Variants in ZNF423 observed in about 807,000 individuals in gnomAD.
The protein encoded by ZNF423 is zinc finger protein 423, also known as Ebf-associated zinc finger protein.
ZNF423 carries 12 observed loss-of-function variants against 95.8 expected under a neutral mutation model. That is an observed-to-expected ratio of 0.13 (90% CI 0.08 to 0.20). The LOEUF (loss-of-function observed/expected upper bound fraction) is 0.20. ZNF423 is among the 10% of genes least tolerant of loss of function. The probability of loss-of-function intolerance (pLI) is 1.00; values close to 1 mark genes in which losing one functional copy is unlikely to be tolerated. For missense variants in ZNF423, 1,316 were observed against 1,737.1 expected, an observed-to-expected ratio of 0.76 and a Z score of 4.31; for synonymous variants, 749 against 711.9, an observed-to-expected ratio of 1.05 and a Z score of -0.83.
Position 49,491,271 on chromosome 16 carries a change from T to C in ZNF423, c.*4A>G, listed in dbSNP as rs1966948619. 10 of 1,614,110 alleles carry C rather than the reference T, an allele frequency of 6.2e-6. No individual in the cohort carries two copies. The highest frequency in any genetic ancestry group is 8.5e-6 in the Non-Finnish European group (10 of 1,180,036). On this transcript the variant is annotated 3_prime_UTR_variant, in exon 8 of 8. Coordinates refer to ENST00000563137, the MANE Select transcript of ZNF423 (RefSeq NM_001379286.1). ...TGCGGAGAGGTGTCCTGTTGAGCGATCCCTCACTGTGCGTGCTGGCTCATC... is the reference window on the plus strand; with the variant it reads ...TGCGGAGAGGTGTCCTGTTGAGCGACCCCTCACTGTGCGTGCTGGCTCATC...
At chr16:49,499,035 G>A (rs548116237) in intron 7 of ZNF423, among the ~76,000 whole-genome samples, 8 of 152,146 alleles carry the variant, frequency 5.3e-5, no homozygotes, top group Non-Finnish European at 1.0e-4. Flanking sequence ...TCAATCCCCC[G>A]GGGCCCAGGC....
chr16:49,591,395 C>T (rs532605402), intron 5 of ZNF423, among the ~76,000 whole-genome samples: 3 of 152,076 alleles, frequency 2.0e-5, no homozygotes, highest in Admixed American at 1.3e-4. Context: ...ATAGTATGGG[C>T]ATTGTAAGTC....
intron 3 of ZNF423, among the ~76,000 whole-genome samples, chr16:49,642,377 G>A (rs1973002300): frequency 6.6e-6 from 1 of 152,168 alleles, no homozygotes; most frequent in Non-Finnish European, 1.5e-5. Context: ...TTGAAAAGGA[G>A]AATCTTAACC....
intron 3 of ZNF423, among the ~76,000 whole-genome samples, chr16:49,718,191 T>A (rs574659672): frequency 7.2e-5 from 11 of 152,214 alleles, no homozygotes; most frequent in African/African-American, 2.6e-4. Context: ...GAGGCCAAGG[T>A]GGGAGGATCA....
chr16:49,823,170 T>C (rs533080280), intron 1 of ZNF423, among the ~76,000 whole-genome samples: 1 of 152,308 alleles, frequency 6.6e-6, no homozygotes, highest in South Asian at 2.1e-4. Flanking sequence ...AGCCAGCCCT[T>C]GGATGGAAAC....
chr16:49,799,330 G>A (rs1455418564), intron 1 of ZNF423, among the ~76,000 whole-genome samples: 2 of 152,204 alleles, frequency 1.3e-5, no homozygotes, highest in South Asian at 2.1e-4. Flanking sequence ...TTCCTGGCTG[G>A]CTGCTGAGGT....
chr16:49,728,260 G>A (rs781673887), intron 3 of ZNF423, among the ~76,000 whole-genome samples: 3 of 152,242 alleles, frequency 2.0e-5, no homozygotes, highest in Non-Finnish European at 4.4e-5. Context: ...CCTAAGAACC[G>A]AAGACCTGGG....
At chr16:49,856,685 G>A (rs1232759817), upstream of ZNF423, among the ~76,000 whole-genome samples, 1 of 149,122 alleles carries the variant, frequency 6.7e-6, no homozygotes, top group Non-Finnish European at 1.5e-5. Context: ...GAGGAGGAAG[G>A]GGCGCGCGGG....
chr16:49,582,777 A>G (rs1970711839), intron 5 of ZNF423, among the ~76,000 whole-genome samples: 1 of 152,246 alleles, frequency 6.6e-6, no homozygotes. Flanking sequence ...ATGAAAAAAC[A>G]ATAAAATCAA....
At chr16:49,509,609 C>T (rs1411104927) in intron 7 of ZNF423, among the ~76,000 whole-genome samples, 1 of 152,042 alleles carries the variant, frequency 6.6e-6, no homozygotes, top group Non-Finnish European at 1.5e-5. Context: ...GAGTACAATC[C>T]AGGCTTCCAC....
intron 5 of ZNF423, among the ~76,000 whole-genome samples, chr16:49,574,048 T>C (rs1363360049): frequency 1.3e-5 from 2 of 152,214 alleles, no homozygotes; most frequent in East Asian, 1.9e-4. Flanking sequence ...AAAGTGGTTC[T>C]CAAACTTTAG....
At chr16:49,712,091 T>C (rs1375172364) in intron 3 of ZNF423, among the ~76,000 whole-genome samples, 1 of 152,210 alleles carries the variant, frequency 6.6e-6, no homozygotes, top group African/African-American at 2.4e-5. Flanking sequence ...TACTCCAGCC[T>C]GGGCAACAGA....
At chr16:49,784,820 C>G (rs985393212) in intron 2 of ZNF423, among the ~76,000 whole-genome samples, 1 of 151,770 alleles carries the variant, frequency 6.6e-6, no homozygotes, top group African/African-American at 2.4e-5. Flanking sequence ...TGTGGTGGCA[C>G]ACGTCTGTAA....
chr16:49,617,652 T>A (rs1339968465), intron 5 of ZNF423, among the ~76,000 whole-genome samples: 1 of 151,636 alleles, frequency 6.6e-6, no homozygotes, highest in Non-Finnish European at 1.5e-5. Context: ...CACACTTTGG[T>A]CTCTCTCTCT....
At chr16:49,559,835 C>T (rs966620958) in intron 5 of ZNF423, among the ~76,000 whole-genome samples, 2 of 152,174 alleles carry the variant, frequency 1.3e-5, no homozygotes, top group Admixed American at 6.5e-5. Flanking sequence ...AAACTGAAGG[C>T]ACGATCCCAG....
At chr16:49,613,331 A>C (rs1453117808) in intron 5 of ZNF423, among the ~76,000 whole-genome samples, 1 of 152,260 alleles carries the variant, frequency 6.6e-6, no homozygotes, top group Non-Finnish European at 1.5e-5. Flanking sequence ...AGGCACATAC[A>C]TCAGTGGAAC....
At chr16:49,854,081 TC>T (rs915172056) in intron 1 of ZNF423, 2 of 985,174 alleles carry the variant, frequency 2.0e-6, no homozygotes, top group African/African-American at 3.5e-5. Flanking sequence ...AAGAGAAACA[TC>T]CACCCTTCTT....
At chr16:49,852,888 G>A (rs750957336) in intron 1 of ZNF423, among the ~76,000 whole-genome samples, 3 of 152,230 alleles carry the variant, frequency 2.0e-5, no homozygotes, top group South Asian at 2.1e-4. Flanking sequence ...GGTTGTGTCC[G>A]TGAGTGGGAA....
intron 1 of ZNF423, among the ~76,000 whole-genome samples, chr16:49,827,378 A>G (rs1230125573): frequency 6.6e-6 from 1 of 152,062 alleles, no homozygotes; most frequent in Non-Finnish European, 1.5e-5. Context: ...GGTTACCAAC[A>G]ACAACAAGCA....
Sources: gnomAD v4.1 joint callset for allele counts (sites outside exome capture counted in the v4.1 genomes callset) on GRCh38, gnomAD v4.1.1 for gene constraint, MANE v1.5 for transcripts, NCBI Gene and HGNC (gene_info 2026-07-23, HGNC 2026-07-21) for gene names.